The following FRMD4A variants were observed in gnomAD, a reference collection of about 807,000 sequenced individuals.
FRMD4A encodes the protein FERM domain-containing protein 4A.
Under a neutral mutation model 129.1 loss-of-function variants are expected in FRMD4A, and 29 were observed. The observed-to-expected ratio is 0.22, with a 90% confidence interval of 0.17 to 0.31. The LOEUF is 0.31. FRMD4A is among the 10% of genes least tolerant of loss of function. The pLI is 1.00. For missense variants in FRMD4A, 1,272 were observed against 1,375.8 expected (o/e 0.92, Z 1.19); for synonymous variants, 634 against 571.6 (o/e 1.11, Z -1.56).
chr10:13,923,767 C>G (rs1256057773), intron 2 of FRMD4A, among the ~76,000 whole-genome samples: 3 of 152,130 alleles, frequency 2.0e-5, no homozygotes, highest in Admixed American at 6.6e-5. Flanking sequence ...TTGGTGCTAG[C>G]TAGTCCTAAC....
At chr10:13,882,195 T>C (rs910477769) in intron 2 of FRMD4A, among the ~76,000 whole-genome samples, 1 of 151,910 alleles carries the variant, frequency 6.6e-6, no homozygotes, top group Non-Finnish European at 1.5e-5. Context: ...GGCCAAAGGA[T>C]AAGCTGTGAT....
chr10:13,970,660 G>A (rs1026369280), intron 2 of FRMD4A, among the ~76,000 whole-genome samples: 2 of 152,102 alleles, frequency 1.3e-5, no homozygotes, highest in Non-Finnish European at 2.9e-5. Context: ...CCCCCTTCAA[G>A]AGCCAGGCCA....
chr10:13,761,711 C>T (rs2092080505), intron 7 of FRMD4A, 42 bp from the exon 8 acceptor site: 2 of 1,436,246 alleles, frequency 1.4e-6, no homozygotes, highest in Non-Finnish European at 9.7e-7. Context: ...TACACTAAGC[C>T]AATGTTAGAG....
At chr10:14,120,455 C>G (rs1396751746) in intron 2 of FRMD4A, among the ~76,000 whole-genome samples, 6 of 152,204 alleles carry the variant, frequency 3.9e-5, no homozygotes, top group South Asian at 2.1e-4. Context: ...TTCCTCCATA[C>G]AGCAGCTGTT....
intron 2 of FRMD4A, among the ~76,000 whole-genome samples, chr10:14,210,148 A>T (rs893734232): frequency 2.6e-5 from 4 of 152,204 alleles, no homozygotes; most frequent in Non-Finnish European, 4.4e-5. Context: ...TATCTCCCCA[A>T]AATTATTCCA....
At chr10:13,868,134 G>C (rs2094397621) in intron 2 of FRMD4A, among the ~76,000 whole-genome samples, 1 of 150,496 alleles carries the variant, frequency 6.6e-6, no homozygotes, top group Non-Finnish European at 1.5e-5. Flanking sequence ...CTTATACCAG[G>C]GAAATAACAC....
At chr10:14,159,340 A>G (rs7908756) in intron 2 of FRMD4A, among the ~76,000 whole-genome samples, 4,892 of 152,296 alleles carry the variant, frequency 0.032, 272 homozygotes, top group African/African-American at 0.11. Flanking sequence ...TCGCTGAAAA[A>G]GAAATCAAGA....
At chr10:14,293,978 G>A (rs746893315) in intron 2 of FRMD4A, among the ~76,000 whole-genome samples, 2 of 152,126 alleles carry the variant, frequency 1.3e-5, no homozygotes, top group Non-Finnish European at 2.9e-5. Context: ...CAGTTATATA[G>A]AGTTAGGCAA....
chr10:13,877,926 T>G (rs2094504953), intron 2 of FRMD4A, among the ~76,000 whole-genome samples: 1 of 152,046 alleles, frequency 6.6e-6, no homozygotes, highest in Non-Finnish European at 1.5e-5. Flanking sequence ...AGGTCAGGCC[T>G]GAGAGGGGTG....
chr10:13,985,240 T>G (rs1186220627), intron 2 of FRMD4A, among the ~76,000 whole-genome samples: 1 of 152,216 alleles, frequency 6.6e-6, no homozygotes, highest in Non-Finnish European at 1.5e-5. Flanking sequence ...AGCCTCGCCC[T>G]CGGGTGTCCC....
chr10:14,221,557 G>T (rs1221587109), intron 2 of FRMD4A, among the ~76,000 whole-genome samples: 1 of 152,094 alleles, frequency 6.6e-6, no homozygotes, highest in African/African-American at 2.4e-5. Flanking sequence ...ACCTTAGGGA[G>T]AAGTCTGACT....
chr10:14,030,515 C>T (rs1833188150), intron 2 of FRMD4A, among the ~76,000 whole-genome samples: 1 of 152,212 alleles, frequency 6.6e-6, no homozygotes, highest in African/African-American at 2.4e-5. Flanking sequence ...AAGCTTCTGC[C>T]TTACCTTCAA....
At chr10:14,186,064 A>G (rs1295694641) in intron 2 of FRMD4A, among the ~76,000 whole-genome samples, 1 of 152,126 alleles carries the variant, frequency 6.6e-6, no homozygotes, top group Non-Finnish European at 1.5e-5. Flanking sequence ...TAAAGGAGAC[A>G]CTGGAAACCA....
intron 2 of FRMD4A, among the ~76,000 whole-genome samples, chr10:13,893,508 G>C (rs2094723885): frequency 6.6e-6 from 1 of 152,036 alleles, no homozygotes; most frequent in East Asian, 1.9e-4. Context: ...ATGAGGAAAT[G>C]TTCAGACCTA....
chr10:13,680,641 G>A (rs560114248), intron 15 of FRMD4A, among the ~76,000 whole-genome samples: 12 of 152,172 alleles, frequency 7.9e-5, no homozygotes, highest in Non-Finnish European at 1.2e-4. Flanking sequence ...CAGGAGAATC[G>A]CTTGAACCTC....
chr10:13,978,115 G>A lies in FRMD4A; in HGVS notation c.46-119203C>T, dbSNP rs140281429. Among the ~76,000 whole-genome samples the A allele has an allele frequency of 1.8e-3, 268 of 152,318 alleles. 2 individuals carry two copies. Among genetic ancestry groups the A allele is most frequent in the Middle Eastern group, 6.8e-3 (2 of 294 alleles). On this transcript the variant is annotated intron_variant, in intron 2 of 24. Transcript: ENST00000357447. ...GTACCATTTTACATTTCCACTAGCA[G>A]TGTGTGAAGGTTCCAATTTCTCTAC...
In FRMD4A at chr10:13,698,086, T is replaced by TGTAGGGAGGGAGGGAG. The variant is rs146479343; in HGVS notation, c.975+3253_975+3254insCTCCCTCCCTCCCTAC. The stretch of plus-strand genomic sequence containing the variant: ...TTGATGTATATGCATGGAGAGCTGA[T>TGTAGGGAGGGAGGGAG]GGAGGGAGGGAGGGAGAGACAGGCA... On this transcript the variant is annotated intron_variant, in intron 14 of 24. Coordinates refer to ENST00000357447, the MANE Select transcript of FRMD4A (RefSeq NM_018027.5). Among the ~76,000 whole-genome samples the TGTAGGGAGGGAGGGAG allele has an allele frequency of 5.1e-3, 755 of 149,146 alleles. 2 individuals are homozygous for TGTAGGGAGGGAGGGAG. The highest frequency in any genetic ancestry group is 0.018 in the African/African-American group (729 of 40,486).
intron 2 of FRMD4A, among the ~76,000 whole-genome samples, chr10:14,001,156 C>T (rs572322430): frequency 6.6e-6 from 1 of 152,268 alleles, no homozygotes; most frequent in East Asian, 1.9e-4. Context: ...TCAGTGTTGG[C>T]TGCAGGTTGG....
intron 2 of FRMD4A, among the ~76,000 whole-genome samples, chr10:14,091,715 G>A (rs1274471451): frequency 6.6e-6 from 1 of 152,218 alleles, no homozygotes; most frequent in Non-Finnish European, 1.5e-5. Flanking sequence ...TTACAGGCGT[G>A]AGCCACCGTG....
Sources: gnomAD v4.1 joint callset for allele counts (sites outside exome capture counted in the v4.1 genomes callset) on GRCh38, gnomAD v4.1.1 for gene constraint, MANE v1.5 for transcripts, NCBI Gene and HGNC (gene_info 2026-07-23, HGNC 2026-07-21) for gene names.